AGTPBP1: variants seen among roughly 807,000 people sequenced by gnomAD.
AGTPBP1 encodes ATP/GTP binding carboxypeptidase 1, also known as cytosolic carboxypeptidase 1.
Under a neutral mutation model 143.9 loss-of-function variants are expected in AGTPBP1, and 70 were observed. That is an observed-to-expected ratio of 0.49 (90% CI 0.40 to 0.59). AGTPBP1 has a LOEUF of 0.59. AGTPBP1 is among the 20% of genes least tolerant of loss of function. The pLI, the probability that AGTPBP1 is intolerant of heterozygous loss-of-function variation, is 0.00. For synonymous variants in AGTPBP1, 463 were observed against 500.2 expected (o/e 0.93, Z 0.99); for missense variants, 1,229 against 1,464.5 (o/e 0.84, Z 2.62).
intron 1 of AGTPBP1, among the ~76,000 whole-genome samples, chr9:85,736,527 C>G (rs1034451147): frequency 6.6e-6 from 1 of 152,098 alleles, no homozygotes; most frequent in East Asian, 1.9e-4. Context: ...TACTATCTAG[C>G]TATAATACTT....
the AGTPBP1 span, among the ~76,000 whole-genome samples, chr9:85,798,970 G>A: frequency 6.6e-6 from 1 of 152,028 alleles, no homozygotes; most frequent in East Asian, 1.9e-4. Flanking sequence ...TTTACATTAG[G>A]TATACCTCCT....
intron 17 of AGTPBP1, among the ~76,000 whole-genome samples, chr9:85,604,481 G>C (rs1587721619): frequency 6.6e-6 from 1 of 152,074 alleles, no homozygotes; most frequent in East Asian, 1.9e-4. Flanking sequence ...AATTCCCTTT[G>C]AATATTTGGA....
chr9:85,598,945 C>G (rs1202165334), intron 17 of AGTPBP1, among the ~76,000 whole-genome samples: 1 of 152,152 alleles, frequency 6.6e-6, no homozygotes, highest in Non-Finnish European at 1.5e-5. Flanking sequence ...TGGTCTCAAA[C>G]TCCTGACCTC....
intron 17 of AGTPBP1, among the ~76,000 whole-genome samples, chr9:85,598,431 C>CA: frequency 6.6e-6 from 1 of 152,274 alleles, no homozygotes; most frequent in Admixed American, 6.5e-5. Flanking sequence ...ATCAAACAAT[C>CA]AATCTTGTTG....
At chr9:85,695,846 C>CT (rs754228578) in intron 2 of AGTPBP1, among the ~76,000 whole-genome samples, 3,055 of 145,178 alleles carry the variant, frequency 0.021, 31 homozygotes, top group Middle Eastern at 0.061. Context: ...TTTTCTTTTA[C>CT]TTTTTTTTTT....
chr9:85,623,084 C>G (rs1054651519), intron 14 of AGTPBP1, among the ~76,000 whole-genome samples: 1 of 151,960 alleles, frequency 6.6e-6, no homozygotes, highest in Non-Finnish European at 1.5e-5. Context: ...CCGACAGGGG[C>G]CAGCAGGTAT....
At chr9:85,611,336 A>C (rs1275987362) in intron 17 of AGTPBP1, among the ~76,000 whole-genome samples, 2 of 151,962 alleles carry the variant, frequency 1.3e-5, no homozygotes, top group Non-Finnish European at 2.9e-5. Flanking sequence ...ACAAATGATC[A>C]AACAACAAAA....
chr9:85,547,676 A>G (rs996216776), intron 25 of AGTPBP1, among the ~76,000 whole-genome samples: 3 of 152,192 alleles, frequency 2.0e-5, no homozygotes, highest in Non-Finnish European at 4.4e-5. Flanking sequence ...CTTACAAGAA[A>G]CTGTGAGCAT....
intron 2 of AGTPBP1, among the ~76,000 whole-genome samples, chr9:85,700,618 TG>T (rs1032158747): frequency 3.1e-4 from 47 of 152,330 alleles, no homozygotes; most frequent in African/African-American, 1.1e-3. Context: ...GCAAGTGAGA[TG>T]TAGGCAGATG....
intron 13 of AGTPBP1, among the ~76,000 whole-genome samples, chr9:85,642,624 G>A (rs769055117): frequency 3.0e-4 from 45 of 151,276 alleles, no homozygotes; most frequent in Non-Finnish European, 4.1e-4. Flanking sequence ...GAGCCACCAC[G>A]CCCGGCCCAT....
chr9:85,687,821 GGC>G (rs1010406735), intron 3 of AGTPBP1, among the ~76,000 whole-genome samples: 4 of 152,064 alleles, frequency 2.6e-5, no homozygotes, highest in African/African-American at 9.7e-5. Context: ...CAGGCGCGGT[GGC>G]TCATGCCTGT....
At chr9:85,792,714 T>C in the AGTPBP1 span, among the ~76,000 whole-genome samples, 2 of 152,372 alleles carry the variant, frequency 1.3e-5, no homozygotes, top group Non-Finnish European at 2.9e-5. Flanking sequence ...AATTACTATT[T>C]TTGTTACATA....
At chr9:85,633,864 C>T (rs1418453962) in intron 13 of AGTPBP1, among the ~76,000 whole-genome samples, 4 of 146,932 alleles carry the variant, frequency 2.7e-5, no homozygotes, top group Non-Finnish European at 6.0e-5. Context: ...ATATATAGAA[C>T]ATTAGAAGGG....
intron 11 of AGTPBP1, among the ~76,000 whole-genome samples, chr9:85,649,770 G>C (rs1013294085): frequency 6.6e-6 from 1 of 151,936 alleles, no homozygotes; most frequent in African/African-American, 2.4e-5. Context: ...TCTTGTCATG[G>C]CATTTACTGA....
intron 1 of AGTPBP1, among the ~76,000 whole-genome samples, chr9:85,732,216 T>C (rs1248356460): frequency 2.1e-5 from 3 of 145,364 alleles, no homozygotes; most frequent in Non-Finnish European, 4.5e-5. Flanking sequence ...GACCCTTTTT[T>C]TTTTTTTTTT....
chr9:85,804,986 C>CG, the AGTPBP1 span, among the ~76,000 whole-genome samples: 1 of 152,204 alleles, frequency 6.6e-6, no homozygotes, highest in Non-Finnish European at 1.5e-5. Flanking sequence ...TGCCTTGCTG[C>CG]GGGGGAGTGG....
intron 2 of AGTPBP1, among the ~76,000 whole-genome samples, chr9:85,705,057 A>G (rs1158262021): frequency 6.6e-6 from 1 of 152,084 alleles, no homozygotes; most frequent in Non-Finnish European, 1.5e-5. Flanking sequence ...TGAACTGTGA[A>G]CCAATTTCAA....
At chr9:85,697,521 C>T (rs1242658468) in intron 2 of AGTPBP1, among the ~76,000 whole-genome samples, 3 of 129,036 alleles carry the variant, frequency 2.3e-5, no homozygotes, top group Non-Finnish European at 4.6e-5. Context: ...GGCGCAATCT[C>T]GGCTCACTGC....
intron 14 of AGTPBP1, among the ~76,000 whole-genome samples, chr9:85,631,189 T>A (rs74476164): frequency 2.6e-5 from 4 of 152,186 alleles, no homozygotes; most frequent in African/African-American, 9.7e-5. Flanking sequence ...ACTTTGGGAA[T>A]GAGGACTTCT....
Sources: gnomAD v4.1 joint callset for allele counts (sites outside exome capture counted in the v4.1 genomes callset) on GRCh38, gnomAD v4.1.1 for gene constraint, MANE v1.5 for transcripts, NCBI Gene and HGNC (gene_info 2026-07-23, HGNC 2026-07-21) for gene names.